The following CSMD2 variants were observed in gnomAD, a reference collection of about 807,000 sequenced individuals.
The protein encoded by CSMD2 is CUB and Sushi multiple domains 2.
Under a neutral mutation model 398.5 loss-of-function variants are expected in CSMD2, and 130 were observed. The observed-to-expected ratio is 0.33, with a 90% CI of 0.28 to 0.38. CSMD2 has a LOEUF of 0.38. CSMD2 is among the 10% of genes least tolerant of loss of function. CSMD2 has a pLI of 1.00. For missense variants in CSMD2, 3,829 were observed against 4,764.9 expected (o/e 0.80, Z 5.78); for synonymous variants, 1,828 against 1,908.5 (o/e 0.96, Z 1.10).
intron 4 of CSMD2, among the ~76,000 whole-genome samples, chr1:33,934,414 G>A (rs950934917): frequency 3.3e-5 from 5 of 152,324 alleles, no homozygotes; most frequent in African/African-American, 1.2e-4. Flanking sequence ...AGTCTGCAGA[G>A]GAGTAAATGA....
intron 1 of CSMD2, among the ~76,000 whole-genome samples, chr1:34,148,490 A>AATTC (rs146702321): frequency 0.025 from 3,824 of 152,254 alleles, 58 homozygotes; most frequent in African/African-American, 0.039. Flanking sequence ...CTTGACGTGT[A>AATTC]ATTCATTCAT....
intron 3 of CSMD2, among the ~76,000 whole-genome samples, chr1:33,950,795 T>C (rs1644985726): frequency 6.6e-6 from 1 of 152,344 alleles, no homozygotes; most frequent in South Asian, 2.1e-4. Context: ...ACAGGTCATA[T>C]GCATAGAAGA....
chr1:34,016,118 A>C (rs372334430), intron 3 of CSMD2, among the ~76,000 whole-genome samples: 2 of 151,496 alleles, frequency 1.3e-5, no homozygotes, highest in East Asian at 3.9e-4. Flanking sequence ...ATAGTTTATC[A>C]TTTTATTTAT....
At chr1:33,625,028 A>G (rs770748603) in intron 34 of CSMD2, 23 bp downstream of exon 34, 5 of 1,612,230 alleles carry the variant, frequency 3.1e-6, no homozygotes. Flanking sequence ...CGCACCCTCA[A>G]CGCCCGGGTC....
intron 2 of CSMD2, among the ~76,000 whole-genome samples, chr1:34,074,139 T>C (rs532978794): frequency 1.8e-4 from 27 of 152,288 alleles, no homozygotes; most frequent in African/African-American, 3.1e-4. Flanking sequence ...ACCTCCCACA[T>C]TGGAGATTAC....
At chr1:33,953,219 T>G (rs1645062793) in intron 3 of CSMD2, among the ~76,000 whole-genome samples, 1 of 152,210 alleles carries the variant, frequency 6.6e-6, no homozygotes, top group African/African-American at 2.4e-5. Context: ...AGGGGATGTG[T>G]GTCTCCAAGG....
intron 4 of CSMD2, among the ~76,000 whole-genome samples, chr1:33,924,952 C>T (rs1644073637): frequency 6.6e-6 from 1 of 152,102 alleles, no homozygotes; most frequent in South Asian, 2.1e-4. Flanking sequence ...GACATTAGTC[C>T]CCTCTCAGAT....
At chr1:33,822,195 G>A (rs188317770) in intron 7 of CSMD2, among the ~76,000 whole-genome samples, 1 of 152,150 alleles carries the variant, frequency 6.6e-6, no homozygotes, top group Non-Finnish European at 1.5e-5. Context: ...CTGGAGTGAG[G>A]CTAGACATGA....
At chr1:33,719,784 A>C (rs1646295630) in intron 19 of CSMD2, among the ~76,000 whole-genome samples, 1 of 152,204 alleles carries the variant, frequency 6.6e-6, no homozygotes, top group Admixed American at 6.5e-5. Flanking sequence ...TCTCTCTTAC[A>C]GGTGACATTT....
chr1:33,672,072 G>C (rs1364990089), intron 25 of CSMD2, among the ~76,000 whole-genome samples: 8 of 152,202 alleles, frequency 5.3e-5, no homozygotes. Flanking sequence ...CAGAAGACGG[G>C]TGATTTCTGC....
intron 3 of CSMD2, among the ~76,000 whole-genome samples, chr1:33,975,571 C>T (rs1209000583): frequency 1.3e-5 from 2 of 151,124 alleles, no homozygotes; most frequent in Non-Finnish European, 2.9e-5. Flanking sequence ...TCTGGCCATC[C>T]ACCCAGATTC....
At chr1:34,073,699 A>G (rs1422080038) in intron 2 of CSMD2, among the ~76,000 whole-genome samples, 1 of 152,258 alleles carries the variant, frequency 6.6e-6, no homozygotes, top group East Asian at 1.9e-4. Flanking sequence ...CAAAGCAATG[A>G]AAAGGCATTT....
chr1:33,601,169 C>T (rs376636836), intron 43 of CSMD2, among the ~76,000 whole-genome samples, 159 bp from the exon 44 acceptor site: 17 of 152,130 alleles, frequency 1.1e-4, no homozygotes, highest in African/African-American at 3.9e-4. Context: ...CTCTCCCAAC[C>T]GTTCCCAACT....
chr1:33,671,068 C>T (rs113136001), intron 25 of CSMD2, among the ~76,000 whole-genome samples: 3,232 of 152,202 alleles, frequency 0.021, 105 homozygotes, highest in African/African-American at 0.073. Context: ...GCTGGCCCAC[C>T]CAGGAAATGA....
intron 10 of CSMD2, among the ~76,000 whole-genome samples, chr1:33,807,369 C>T: frequency 6.6e-6 from 1 of 152,116 alleles, no homozygotes. Context: ...ATGTAACAAA[C>T]CTGCACATGT....
intron 5 of CSMD2, among the ~76,000 whole-genome samples, chr1:33,878,512 T>C (rs1641006035): frequency 2.6e-5 from 4 of 152,334 alleles, no homozygotes; most frequent in Admixed American, 2.6e-4. Flanking sequence ...AAGGAGCCAT[T>C]ATTGTGACAC....
intron 3 of CSMD2, among the ~76,000 whole-genome samples, chr1:34,004,461 T>G (rs562771156): frequency 6.6e-6 from 1 of 152,174 alleles, no homozygotes; most frequent in African/African-American, 2.4e-5. Flanking sequence ...ATCAAGGTTT[T>G]TTTTTGTTTG....
At chr1:33,731,056 C>T (rs1184049084) in intron 15 of CSMD2, among the ~76,000 whole-genome samples, 1 of 152,134 alleles carries the variant, frequency 6.6e-6, no homozygotes, top group African/African-American at 2.4e-5. Context: ...AAAAGGCTCC[C>T]ACTAGCCAAT....
At chr1:34,057,638 G>A (rs527993773) in intron 2 of CSMD2, among the ~76,000 whole-genome samples, 5 of 152,068 alleles carry the variant, frequency 3.3e-5, no homozygotes, top group African/African-American at 4.8e-5. Flanking sequence ...CTTGGCCACC[G>A]CTTCCCGTTA....
Sources: allele counts gnomAD v4.1 joint callset (sites outside exome capture counted in the v4.1 genomes callset), GRCh38; gene constraint gnomAD v4.1.1; transcripts MANE v1.5; gene names NCBI Gene and HGNC (gene_info 2026-07-23, HGNC 2026-07-21).